RHOD: variants seen among roughly 807,000 people sequenced by gnomAD.
RHOD encodes rho-related GTP-binding protein RhoD.
RHOD carries 11 observed loss-of-function variants against 16.7 expected under a neutral mutation model. The ratio of observed to expected loss-of-function variants is 0.66; its 90% CI spans 0.41 to 1.09. RHOD has a LOEUF of 1.09. Ranked by LOEUF, RHOD falls within the 50% of genes least tolerant of loss-of-function variation. The pLI is 0.00. For missense variants in RHOD, 271 were observed against 291.7 expected (o/e 0.93, Z 0.52); for synonymous variants, 124 against 126.3 (o/e 0.98, Z 0.12).
chr11:67,061,772 ATATG>A (rs1854892071), intron 1 of RHOD, among the ~76,000 whole-genome samples: 1 of 144,380 alleles, frequency 6.9e-6, no homozygotes, highest in African/African-American at 2.6e-5. Context: ...ATATATATAT[ATATG>A]TGTGTGTGTG....
In RHOD at chr11:67,066,826, C is replaced by T; in HGVS notation, c.309C>T (p.Ser103=). 1.2e-6 allele frequency: 2 copies of T among 1,613,058 alleles called. No homozygotes were observed. The highest frequency in any genetic ancestry group is 1.7e-6 in the Non-Finnish European group (2 of 1,178,994). Reference sequence around the variant, plus strand: ...GCTTCGATGTCACCAGCCCGAACAGCTTTGACAACATCTTTAACCGGGTAG... The same window carrying T: ...GCTTCGATGTCACCAGCCCGAACAGTTTTGACAACATCTTTAACCGGGTAG... ...LLCFDVTSPN[S]FDNIFNRWYP... Residue 103 remains serine, a synonymous_variant, in exon 3 of 5, where the codon AGC becomes AGT. Transcript: ENST00000308831.
chr11:67,065,802 G>C, intron 1 of RHOD, 94 bp from the exon 2 acceptor site: 1 of 777,556 alleles, frequency 1.3e-6, no homozygotes. Context: ...ACGCTCCACT[G>C]ACCCCCAAGG....
intron 1 of RHOD, 73 bp downstream of exon 1, chr11:67,057,107 C>T (rs1415911799): frequency 2.3e-6 from 3 of 1,332,104 alleles, no homozygotes; most frequent in Admixed American, 4.1e-5. Context: ...GCCGGAGCGG[C>T]CCAGGCTGTG....
intron 2 of RHOD, among the ~76,000 whole-genome samples, chr11:67,066,521 C>G (rs1306405422): frequency 6.6e-6 from 1 of 152,264 alleles, no homozygotes; most frequent in African/African-American, 2.4e-5. Context: ...TGCCCGTCAT[C>G]CCTTCCAGAC....
chr11:67,071,106 G>A (rs1013951672), intron 4 of RHOD, among the ~76,000 whole-genome samples: 1 of 152,022 alleles, frequency 6.6e-6, no homozygotes, highest in Non-Finnish European at 1.5e-5. Flanking sequence ...GTGTGGTGGC[G>A]GGTGCCTGTA....
chr11:67,070,144 C>A (rs1855008438), intron 3 of RHOD: 1 of 478,432 alleles, frequency 2.1e-6, no homozygotes, highest in Non-Finnish European at 4.0e-6. Flanking sequence ...CTGCCATTTC[C>A]AGCCAAGGCC....
chr11:67,070,383 G>A, intron 3 of RHOD, 42 bp from the exon 4 acceptor site: 31 of 1,608,014 alleles, frequency 1.9e-5, no homozygotes, highest in Non-Finnish European at 2.6e-5. Context: ...AACTCTCCAG[G>A]GCTCACACAT....
chr11:67,068,705 G>T (rs1291641401), intron 3 of RHOD, among the ~76,000 whole-genome samples: 1 of 152,134 alleles, frequency 6.6e-6, no homozygotes, highest in African/African-American at 2.4e-5. Context: ...TACTTGGGAG[G>T]CTGAGGCAGG....
intron 1 of RHOD, among the ~76,000 whole-genome samples, chr11:67,059,948 G>T (rs751235257): frequency 1.3e-5 from 2 of 152,260 alleles, no homozygotes; most frequent in Non-Finnish European, 2.9e-5. Context: ...CCCTCATCTG[G>T]CTGTGACCCA....
chr11:67,067,147 G>A (rs1453579544), intron 3 of RHOD, among the ~76,000 whole-genome samples: 1 of 152,176 alleles, frequency 6.6e-6, no homozygotes, highest in Non-Finnish European at 1.5e-5. Flanking sequence ...TCTGCCTGAG[G>A]TTGCTGGGTG....
Position 67,071,577 on chromosome 11 carries a change from C to G in RHOD, c.608C>G (p.Thr203Ser). ...SRGRNFWRRI[T>S]QGFCVVT Reference sequence around the variant, plus strand: ...GGTCGCAACTTCTGGCGGCGGATTACCCAGGGCTTTTGCGTGGTGACCTGA... The same window carrying G: ...GGTCGCAACTTCTGGCGGCGGATTAGCCAGGGCTTTTGCGTGGTGACCTGA... Residue 203 changes from threonine to serine, a missense_variant, in exon 5 of 5, where the codon ACC becomes AGC. By Grantham distance (58) the Thr-to-Ser change is moderately conservative. Transcript: ENST00000308831. The G allele has an allele frequency of 2.5e-6, 4 of 1,609,634 alleles. No individual in the cohort carries two copies. Among genetic ancestry groups the G allele is most frequent in the Non-Finnish European group, 3.4e-6 (4 of 1,178,066 alleles).
intron 1 of RHOD, among the ~76,000 whole-genome samples, chr11:67,061,804 G>A (rs1261689286): frequency 7.2e-6 from 1 of 138,794 alleles, no homozygotes. Flanking sequence ...ATATATATAT[G>A]TGTGTGTATA....
At position 67,056,931 on chromosome 11, in the gene RHOD, A is replaced by C. The variant is rs1854819094; in HGVS notation, c.29A>C (p.Glu10Ala). MTAAQAAGE[E>A]APPGVRSVKV... Reference sequence around the variant, plus strand: ...ACGGCGGCCCAGGCCGCGGGTGAGGAGGCGCCACCAGGCGTGCGGTCCGTC... The same window carrying C: ...ACGGCGGCCCAGGCCGCGGGTGAGGCGGCGCCACCAGGCGTGCGGTCCGTC... The change falls in exon 1 of 5, where the codon GAG becomes GCG. Residue 10 changes from glutamate (E) to alanine (A), a missense_variant. Physicochemically the swap from Glu to Ala is moderately radical, Grantham distance 107. Transcript: ENST00000308831. The C allele has an allele frequency of 6.8e-7, 1 of 1,476,322 alleles. No homozygotes were observed. The allele number at this position is 1,476,322 out of a possible 1,614,324, so 91.5% of individuals were successfully genotyped here.
rs1855037435 is a variant in RHOD, at chr11:67,071,850, G to A, written c.*248G>A. The A allele has an allele frequency of 2.3e-6, 1 of 434,730 alleles. No homozygotes were observed. The highest frequency in any genetic ancestry group is 4.2e-5 in the Admixed American group (1 of 24,030). The allele number at this position is 434,730 out of a possible 1,614,324, so 26.9% of individuals were successfully genotyped here. A position where few individuals can be genotyped will look rare whatever the true frequency, so the allele number is the denominator to read the frequency against. On this transcript the variant is annotated 3_prime_UTR_variant, in exon 5 of 5. Transcript: ENST00000308831. The stretch of plus-strand genomic sequence containing the variant: ...CTCGCTAACCCCTATGCCCGGTCCC[G>A]GACCGACATCCTGGAGCCGCCTGTG...
chr11:67,069,414 A>G (rs941075044), intron 3 of RHOD, among the ~76,000 whole-genome samples: 2 of 152,066 alleles, frequency 1.3e-5, no homozygotes, highest in African/African-American at 4.8e-5. Flanking sequence ...GCTGGAGTGC[A>G]GTGGCTCCAT....
rs1855032335 is a variant in RHOD at position 67,071,615 on chromosome 11, G to A, written c.*13G>A. ...CGTGGTGACCTGAGCGGCTCGGGGCGTCCCAGCGACGCGGGAAGGGGCAGG... is the reference window on the plus strand; with the variant it reads ...CGTGGTGACCTGAGCGGCTCGGGGCATCCCAGCGACGCGGGAAGGGGCAGG... On this transcript the variant is annotated 3_prime_UTR_variant, in exon 5 of 5. Coordinates refer to ENST00000308831, the MANE Select transcript of RHOD (RefSeq NM_014578.4). 3.8e-6 allele frequency: 6 copies of A among 1,579,576 alleles called. No homozygotes were observed. Among genetic ancestry groups the A allele is most frequent in the Non-Finnish European group, 5.2e-6 (6 of 1,161,550 alleles).
chr11:67,060,490 G>C (rs912546604), intron 1 of RHOD, among the ~76,000 whole-genome samples: 24 of 152,336 alleles, frequency 1.6e-4, no homozygotes, highest in African/African-American at 5.8e-4. Context: ...TGGGGGAAAG[G>C]GCTGTGACAG....
chr11:67,069,516 G>A (rs1043202737), intron 3 of RHOD, among the ~76,000 whole-genome samples: 1 of 151,196 alleles, frequency 6.6e-6, no homozygotes, highest in African/African-American at 2.4e-5. Context: ...ACGCCACCAC[G>A]CCCAGCTAAT....
At chr11:67,065,378 C>T (rs892180584) in intron 1 of RHOD, among the ~76,000 whole-genome samples, 3 of 151,614 alleles carry the variant, frequency 2.0e-5, no homozygotes, top group African/African-American at 4.8e-5. Context: ...CCGGCCTTTT[C>T]GTTGTTGTTG....
Sources: gnomAD v4.1 joint callset for allele counts (sites outside exome capture counted in the v4.1 genomes callset) on GRCh38, gnomAD v4.1.1 for gene constraint, MANE v1.5 for transcripts, NCBI Gene and HGNC (gene_info 2026-07-23, HGNC 2026-07-21) for gene names.